Variants in TMPRSS3 observed in about 807,000 individuals in gnomAD.
TMPRSS3 encodes the protein transmembrane serine protease 3, also known as transmembrane protease serine 3.
Under a neutral mutation model 59.6 loss-of-function variants are expected in TMPRSS3, and 55 were observed. The ratio of observed to expected loss-of-function variants is 0.92; its 90% CI spans 0.74 to 1.16. The LOEUF is 1.16. TMPRSS3 is among the 50% of genes most tolerant of loss of function. The pLI is 0.00. For missense variants in TMPRSS3, 596 were observed against 579.4 expected, an observed-to-expected ratio of 1.03 and a Z score of -0.29; for synonymous variants, 257 against 237.7, an observed-to-expected ratio of 1.08 and a Z score of -0.75.
chr21:42,393,303 G>A (rs1427650275), intron 2 of TMPRSS3, among the ~76,000 whole-genome samples: 1 of 152,038 alleles, frequency 6.6e-6, no homozygotes, highest in East Asian at 1.9e-4. Flanking sequence ...ATGCAAATGA[G>A]ACATAACTAC....
intron 9 of TMPRSS3, among the ~76,000 whole-genome samples, chr21:42,380,720 G>A (rs1374155794): frequency 6.6e-6 from 1 of 152,214 alleles, no homozygotes; most frequent in Non-Finnish European, 1.5e-5. Context: ...ATGGTTCCTG[G>A]GATATCTGGA....
intron 3 of TMPRSS3, among the ~76,000 whole-genome samples, chr21:42,389,340 G>A (rs530521546): frequency 6.6e-6 from 1 of 152,342 alleles, no homozygotes; most frequent in East Asian, 1.9e-4. Context: ...ATGGCGGGGG[G>A]CCGACCTGCT....
Position 42,389,944 on chromosome 21 carries a change from A to G in TMPRSS3, c.188T>C (p.Leu63Pro), listed in dbSNP as rs1301700806. The change falls in exon 3 of 13, where the codon CTG becomes CCG. Residue 63 changes from leucine to proline, a missense_variant. Coordinates refer to ENST00000644384, the MANE Select transcript of TMPRSS3 (RefSeq NM_001256317.3). ...VIGIIALILA[L>P]AIGLGIHFDC... is the part of the protein sequence containing the mutation. ...GTACTCACTGCCCAGACCAATGGCC[A>G]GTGCTAATATCAATGCAATGATCCC... The G allele has an allele frequency of 6.2e-7, 1 of 1,613,236 alleles. No individual in the cohort carries two copies. Among genetic ancestry groups the G allele is most frequent in the Non-Finnish European group, 8.5e-7 (1 of 1,179,120 alleles).
chr21:42,379,874 C>G (rs191071413), intron 10 of TMPRSS3, among the ~76,000 whole-genome samples: 1 of 152,062 alleles, frequency 6.6e-6, no homozygotes, highest in African/African-American at 2.4e-5. Flanking sequence ...CTGCTGTGTT[C>G]GAGAAGGTCT....
chr21:42,381,652 G>A (rs572644027), intron 9 of TMPRSS3, among the ~76,000 whole-genome samples: 43 of 152,298 alleles, frequency 2.8e-4, no homozygotes, highest in Non-Finnish European at 5.0e-4. Flanking sequence ...GGAGAAGGTG[G>A]CACCAGACAA....
In TMPRSS3 at chr21:42,371,986, A is replaced by C. The variant is rs934184159; in HGVS notation, c.*776T>G. 4.2e-5 allele frequency: 19 copies of C among 454,510 alleles called. No individual in the cohort carries two copies. Among genetic ancestry groups the C allele is most frequent in the Non-Finnish European group, 6.6e-5 (15 of 226,808 alleles). The allele number at this position is 454,510 out of a possible 1,614,324, so 28.2% of individuals were successfully genotyped here. A position where few individuals can be genotyped will look rare whatever the true frequency, so the allele number is the denominator to read the frequency against. On this transcript the variant is annotated 3_prime_UTR_variant, in exon 13 of 13. Coordinates refer to ENST00000644384, the MANE Select transcript of TMPRSS3 (RefSeq NM_001256317.3). ...CATGAAAATAGGCCTTAAACGAGTC[A>C]TTCCTAGATTAACCTCCCCACATGT...
rs184720587 is a variant in TMPRSS3 at position 42,380,060 on chromosome 21, C to T, written c.1048+57G>A. 872 of 1,454,748 alleles carry T rather than the reference C, an allele frequency of 6.0e-4. 1 individual carries two copies. The highest frequency in any genetic ancestry group is 7.8e-4 in the Non-Finnish European group (814 of 1,042,126). The allele number at this position is 1,454,748 out of a possible 1,614,324, so 90.1% of individuals were successfully genotyped here. A position where few individuals can be genotyped will look rare whatever the true frequency, so the allele number is the denominator to read the frequency against. Reference sequence around the variant, plus strand: ...AATGGGACATTGGGGGAGCCCCCTCCGCAGCCCTCTGGGTTCTGAGCCCCT... The same window carrying T: ...AATGGGACATTGGGGGAGCCCCCTCTGCAGCCCTCTGGGTTCTGAGCCCCT... On this transcript the variant is annotated intron_variant, in intron 10 of 12. Coordinates refer to ENST00000644384, the MANE Select transcript of TMPRSS3 (RefSeq NM_001256317.3).
chr21:42,372,615 G>T lies in TMPRSS3; in HGVS notation c.*147C>A. 1.2e-6 allele frequency: 1 copy of T among 834,810 alleles called. No individual in the cohort carries two copies. The highest frequency in any genetic ancestry group is 2.1e-6 in the Non-Finnish European group (1 of 470,212). 51.7% of individuals were successfully genotyped at this position (834,810 alleles called of 1,614,324 possible). On this transcript the variant is annotated 3_prime_UTR_variant, in exon 13 of 13. Transcript: ENST00000644384. Reference sequence around the variant, plus strand: ...GGTTGTGCTGGAATCAGATGGAAGGGTGCCTCTTTCGGGCCTGCTACTGGT... The same window carrying T: ...GGTTGTGCTGGAATCAGATGGAAGGTTGCCTCTTTCGGGCCTGCTACTGGT...
rs181949335 is a variant in TMPRSS3 at position 42,382,101 on chromosome 21, C to T, written c.916G>A (p.Ala306Thr). Reference sequence around the variant, plus strand: ...AGTGGCCCGGCCAGCTTCATAAGGGCGATGTCATTGCCCAGCCTCTTTGGC... The same window carrying T: ...AGTGGCCCGGCCAGCTTCATAAGGGTGATGTCATTGCCCAGCCTCTTTGGC... ...YKPKRLGNDI[A>T]LMKLAGPLTF... is the part of the protein sequence containing the mutation. Residue 306 changes from alanine (A) to threonine (T), a missense_variant, in exon 9 of 13, where the codon GCC becomes ACC. Transcript: ENST00000644384. The T allele has an allele frequency of 2.1e-4, 336 of 1,614,172 alleles. No individual in the cohort carries two copies. Among genetic ancestry groups the T allele is most frequent in the East Asian group, 4.0e-4 (18 of 44,890 alleles).
chr21:42,391,987 A>C (rs941076990), intron 2 of TMPRSS3, among the ~76,000 whole-genome samples: 3 of 152,200 alleles, frequency 2.0e-5, no homozygotes, highest in Non-Finnish European at 2.9e-5. Flanking sequence ...CATTTCACCT[A>C]AATTACCTCA....
intron 7 of TMPRSS3, 50 bp downstream of exon 7, chr21:42,383,920 C>G: frequency 2.5e-6 from 4 of 1,599,720 alleles, no homozygotes; most frequent in Non-Finnish European, 3.4e-6. Flanking sequence ...GGAGATAGGA[C>G]TTAGCATGTG....
chr21:42,377,599 G>A (rs996909911), intron 10 of TMPRSS3, among the ~76,000 whole-genome samples: 4 of 152,348 alleles, frequency 2.6e-5, no homozygotes, highest in African/African-American at 9.6e-5. Context: ...TAATCCACGT[G>A]CAGTGGGCCA....
intron 12 of TMPRSS3, among the ~76,000 whole-genome samples, chr21:42,375,169 C>T (rs906852113): frequency 2.0e-5 from 3 of 151,972 alleles, no homozygotes; most frequent in Non-Finnish European, 2.9e-5. Context: ...AAGCCAGCCT[C>T]GCTGTTGGGT....
At chr21:42,390,124 CT>C in intron 2 of TMPRSS3, 87 bp from the exon 3 acceptor site, 1 of 1,034,250 alleles carries the variant, frequency 9.7e-7, no homozygotes, top group South Asian at 1.3e-5. Flanking sequence ...TCCTTTCCCC[CT>C]CCCCTCTTTG....
intron 6 of TMPRSS3, among the ~76,000 whole-genome samples, chr21:42,384,799 T>C (rs1203393697): frequency 6.6e-6 from 1 of 152,136 alleles, no homozygotes; most frequent in Non-Finnish European, 1.5e-5. Context: ...GAATATGGAA[T>C]TGGATTCAGA....
chr21:42,388,772 C>T lies in TMPRSS3; in HGVS notation c.322+157G>A, dbSNP rs894065561. On this transcript the variant is annotated intron_variant, in intron 4 of 12. Coordinates refer to ENST00000644384, the MANE Select transcript of TMPRSS3 (RefSeq NM_001256317.3). This position sits in a 1 kb window ranked among gnomAD's most constrained non-coding sequence, Gnocchi z 5.1. ...TCCATGGAAGGCCCTCCCTGACCCCCCAGCCCAACATGTCTTTGGGCAAAC... is the reference window on the plus strand; with the variant it reads ...TCCATGGAAGGCCCTCCCTGACCCCTCAGCCCAACATGTCTTTGGGCAAAC... 6.6e-6 allele frequency among the ~76,000 whole-genome samples: 1 copy of T among 152,222 alleles called. No individual in the cohort carries two copies. Among genetic ancestry groups the T allele is most frequent in the Non-Finnish European group, 1.5e-5 (1 of 68,046 alleles).
rs554593720 is a variant in TMPRSS3 at position 42,390,823 on chromosome 21, A to T, written c.95-786T>A. Reference sequence around the variant, plus strand: ...GGAGACACAGGCAGAAGCCAGCCTCATGAAGATGAAGGCAGAGATGGGAAC... The same window carrying T: ...GGAGACACAGGCAGAAGCCAGCCTCTTGAAGATGAAGGCAGAGATGGGAAC... On this transcript the variant is annotated intron_variant, in intron 2 of 12. Transcript: ENST00000644384. Among the ~76,000 whole-genome samples, 30 of 152,348 alleles carry T rather than the reference A, an allele frequency of 2.0e-4. No homozygotes were observed. In the South Asian group the frequency reaches 6.2e-3, roughly 32 times the overall value.
At chr21:42,389,619 G>A (rs1050327018) in intron 3 of TMPRSS3, among the ~76,000 whole-genome samples, 14 of 152,192 alleles carry the variant, frequency 9.2e-5, no homozygotes, top group African/African-American at 2.7e-4. Flanking sequence ...TCTTCTCCCC[G>A]CTGCCCCGGT....
At position 42,389,029 on chromosome 21, in the gene TMPRSS3, T is replaced by G. The variant is rs1036835254; in HGVS notation, c.222A>C (p.Ser74=). 1 of 1,614,134 alleles carries G rather than the reference T, an allele frequency of 6.2e-7. No homozygotes were observed. Among genetic ancestry groups the G allele is most frequent in the Non-Finnish European group, 8.5e-7 (1 of 1,180,004 alleles). The change falls in exon 4 of 13, where the codon TCA becomes TCC. Residue 74 remains serine, a synonymous_variant. Transcript: ENST00000644384. ...AIGLGIHFDC[S]GKYRCRSSFK... ...AGGATGAGCGACATCTGTACTTCCC[T>G]GAGCAGTCGAAGTGGACTGGGAAAA...
Sources: allele counts gnomAD v4.1 joint callset (sites outside exome capture counted in the v4.1 genomes callset), GRCh38; gene constraint gnomAD v4.1.1; non-coding constraint Gnocchi (gnomAD v3.1); transcripts MANE v1.5; gene names NCBI Gene and HGNC (gene_info 2026-07-23, HGNC 2026-07-21).